The following MATCAP2 variants were observed in gnomAD, a reference collection of about 807,000 sequenced individuals.
MATCAP2 encodes putative tyrosine carboxypeptidase MATCAP2.
chr7:36,379,847 C>CACAGAGAGAGAGAGAGAGAG, the MATCAP2 span, among the ~76,000 whole-genome samples: 1 of 107,602 alleles, frequency 9.3e-6, no homozygotes, highest in East Asian at 3.0e-4. Context: ...CACACACACA[C>CACAGAGAGAGAGAGAGAGAG]AGAGAGAGAG....
chr7:36,327,200 G>A, the MATCAP2 span, among the ~76,000 whole-genome samples: 3 of 152,072 alleles, frequency 2.0e-5, no homozygotes, highest in African/African-American at 4.8e-5. Flanking sequence ...GTGCAGTGGC[G>A]TGATCTTGGC....
the MATCAP2 span, chr7:36,356,735 T>C: frequency 1.6e-6 from 1 of 644,720 alleles, no homozygotes; most frequent in Non-Finnish European, 2.7e-6. Flanking sequence ...GGAGTTTATA[T>C]ACAGGTAATA....
At chr7:36,348,072 C>T in the MATCAP2 span, among the ~76,000 whole-genome samples, 49 of 152,070 alleles carry the variant, frequency 3.2e-4, no homozygotes, top group African/African-American at 1.1e-3. Context: ...CTATGTCTTC[C>T]AACACGTATG....
the MATCAP2 span, among the ~76,000 whole-genome samples, chr7:36,352,906 C>T: frequency 5.0e-4 from 76 of 151,796 alleles, no homozygotes; most frequent in Admixed American, 4.4e-3. Flanking sequence ...TGCTCTGAGA[C>T]ATATGGTGTT....
chr7:36,326,561 C>A, the MATCAP2 span: 1 of 393,526 alleles, frequency 2.5e-6, no homozygotes, highest in South Asian at 7.1e-5. Context: ...GAATAACTTC[C>A]CCCTGCAACC....
the MATCAP2 span, among the ~76,000 whole-genome samples, chr7:36,349,863 G>A: frequency 6.6e-6 from 1 of 152,096 alleles, no homozygotes; most frequent in Non-Finnish European, 1.5e-5. Flanking sequence ...TAATCTGATG[G>A]GGGAGTTTCC....
At chr7:36,328,239 T>TGGCGG in the MATCAP2 span, among the ~76,000 whole-genome samples, 1 of 25,234 alleles carries the variant, frequency 4.0e-5, no homozygotes, top group Non-Finnish European at 9.2e-5. Flanking sequence ...TTTGTTTTTG[T>TGGCGG]AGGGGGGGGG....
At chr7:36,329,804 C>T in the MATCAP2 span, among the ~76,000 whole-genome samples, 1 of 152,252 alleles carries the variant, frequency 6.6e-6, no homozygotes. Flanking sequence ...GGGAAAGGTA[C>T]TTTTACAATG....
the MATCAP2 span, among the ~76,000 whole-genome samples, chr7:36,330,731 C>T: frequency 1.5e-4 from 23 of 152,258 alleles, no homozygotes; most frequent in African/African-American, 4.8e-4. Context: ...AATATGTATA[C>T]ACAAATACAA....
chr7:36,375,128 A>G, the MATCAP2 span, among the ~76,000 whole-genome samples: 113 of 152,312 alleles, frequency 7.4e-4, no homozygotes, highest in African/African-American at 2.5e-3. Flanking sequence ...GTCTTCCACA[A>G]TGGTTGAACT....
At chr7:36,383,036 G>A in the MATCAP2 span, among the ~76,000 whole-genome samples, 1 of 151,988 alleles carries the variant, frequency 6.6e-6, no homozygotes, top group Non-Finnish European at 1.5e-5. Context: ...CTGGTTTTTG[G>A]AAACAATATA....
chr7:36,372,635 G>A, the MATCAP2 span, among the ~76,000 whole-genome samples: 1 of 152,184 alleles, frequency 6.6e-6, no homozygotes, highest in African/African-American at 2.4e-5. Flanking sequence ...GAGGAAGGAT[G>A]TTTTTTAATC....
chr7:36,327,231 C>T, the MATCAP2 span, among the ~76,000 whole-genome samples: 4 of 152,110 alleles, frequency 2.6e-5, no homozygotes, highest in African/African-American at 4.8e-5. Context: ...CTCCACCTCC[C>T]GGGTTCAGGT....
the MATCAP2 span, among the ~76,000 whole-genome samples, chr7:36,340,243 C>T: frequency 2.6e-5 from 4 of 152,280 alleles, no homozygotes; most frequent in Non-Finnish European, 4.4e-5. Flanking sequence ...TATGCTTACT[C>T]GGTAGGAAAA....
At chr7:36,364,482 A>G in the MATCAP2 span, among the ~76,000 whole-genome samples, 1 of 152,230 alleles carries the variant, frequency 6.6e-6, no homozygotes, top group East Asian at 1.9e-4. Context: ...ATATACTAAT[A>G]AGTCAAAAGT....
chr7:36,352,334 T>C, the MATCAP2 span, among the ~76,000 whole-genome samples: 3 of 141,048 alleles, frequency 2.1e-5, no homozygotes, highest in Non-Finnish European at 3.1e-5. Flanking sequence ...GCAGCGGAGG[T>C]TGCAGTAAGC....
the MATCAP2 span, among the ~76,000 whole-genome samples, chr7:36,375,705 A>G: frequency 2.0e-5 from 3 of 152,122 alleles, no homozygotes; most frequent in African/African-American, 7.2e-5. Flanking sequence ...TCGGCTGTGA[A>G]TCTGTCTGGT....
the MATCAP2 span, among the ~76,000 whole-genome samples, chr7:36,353,144 C>T: frequency 6.6e-6 from 1 of 152,128 alleles, no homozygotes; most frequent in Non-Finnish European, 1.5e-5. Flanking sequence ...TGTGCTGGTG[C>T]ACGCCTGTAA....
the MATCAP2 span, chr7:36,357,680 T>A: frequency 2.1e-6 from 2 of 962,288 alleles, no homozygotes; most frequent in South Asian, 3.6e-5. Flanking sequence ...CTGAAGATTC[T>A]ATAAACTTCG....
Sources: allele counts gnomAD v4.1 joint callset (sites outside exome capture counted in the v4.1 genomes callset), GRCh38; gene constraint gnomAD v4.1.1; transcripts MANE v1.5; gene names NCBI Gene and HGNC (gene_info 2026-07-23, HGNC 2026-07-21).